The following TENM2 variants were observed in gnomAD, a reference collection of about 807,000 sequenced individuals.
The protein encoded by TENM2 is teneurin transmembrane protein 2, also known as teneurin-2.
TENM2 carries 52 observed loss-of-function variants against 245.2 expected under a neutral mutation model. That is an observed-to-expected ratio of 0.21 (90% CI 0.17 to 0.27). The LOEUF (loss-of-function observed/expected upper bound fraction) is 0.27, where lower values mean the gene tolerates loss of function less well. TENM2 is among the 10% of genes least tolerant of loss of function. The pLI, the probability that TENM2 is intolerant of heterozygous loss-of-function variation, is 1.00. For synonymous variants in TENM2, 1,363 were observed against 1,438.9 expected (o/e 0.95, Z 1.19); for missense variants, 3,046 against 3,666.8 (o/e 0.83, Z 4.37).
At chr5:167,306,494 A>G (rs1755685606) in intron 1 of TENM2, 1 of 152,128 alleles carries the variant, frequency 6.6e-6, no homozygotes, top group Non-Finnish European at 1.5e-5. Flanking sequence ...AATCTTAAAA[A>G]AAAAAACAAC....
the TENM2 span, among the ~76,000 whole-genome samples, chr5:167,226,104 C>T: frequency 6.6e-6 from 1 of 151,828 alleles, no homozygotes; most frequent in Non-Finnish European, 1.5e-5. Flanking sequence ...TTTCAAAAAA[C>T]TTTTCACTTT....
chr5:167,143,705 A>G, the TENM2 span, among the ~76,000 whole-genome samples: 11 of 152,268 alleles, frequency 7.2e-5, no homozygotes, highest in Middle Eastern at 3.4e-3. Context: ...AGATGATGGG[A>G]GCTTTACATC....
intron 1 of TENM2, among the ~76,000 whole-genome samples, chr5:167,337,117 C>A (rs1388895125): frequency 9.3e-6 from 1 of 107,496 alleles, no homozygotes; most frequent in Non-Finnish European, 1.8e-5. Context: ...GAGGGAGACT[C>A]CGTCTCAAAA....
the TENM2 span, among the ~76,000 whole-genome samples, chr5:167,213,399 G>A: frequency 6.6e-6 from 1 of 152,156 alleles, no homozygotes; most frequent in East Asian, 1.9e-4. Context: ...CCAGGCAGAA[G>A]GGGTAAGGGA....
chr5:167,373,753 G>A (rs766592751), intron 1 of TENM2, among the ~76,000 whole-genome samples: 5 of 152,164 alleles, frequency 3.3e-5, no homozygotes, highest in Non-Finnish European at 7.3e-5. Context: ...TCTGCTGTGT[G>A]CCCAGGTGTG....
intron 2 of TENM2, among the ~76,000 whole-genome samples, chr5:167,683,809 G>A (rs1383590176): frequency 6.6e-6 from 1 of 152,142 alleles, no homozygotes; most frequent in East Asian, 1.9e-4. Context: ...TCTATGAATG[G>A]CCTGCCAGCT....
chr5:167,377,137 A>C (rs755648250), intron 2 of TENM2, among the ~76,000 whole-genome samples: 1 of 152,170 alleles, frequency 6.6e-6, no homozygotes, highest in Non-Finnish European at 1.5e-5. Flanking sequence ...AATGCTTGCC[A>C]TGAATTTACC....
At position 167,669,449 on chromosome 5, in the gene TENM2, C is replaced by T. The variant is rs145999244; in HGVS notation, c.503-206537C>T. ...AACTCATCAGACTGATGGTTCTATC[C>T]GTTGAAGACAGTTAAGATGGAGGAA... is the stretch of plus-strand genomic sequence containing the variant. On this transcript the variant is annotated intron_variant, in intron 2 of 28. Transcript: ENST00000518659. 4.3e-3 allele frequency among the ~76,000 whole-genome samples: 661 copies of T among 152,126 alleles called. 8 individuals carry two copies. Among genetic ancestry groups the T allele is most frequent in the African/African-American group, 0.015 (618 of 41,490 alleles).
chr5:167,386,895 T>C (rs930100799), intron 2 of TENM2, among the ~76,000 whole-genome samples: 3 of 152,218 alleles, frequency 2.0e-5, no homozygotes, highest in African/African-American at 7.2e-5. Context: ...AGTACTGTGT[T>C]GTTTTAGTGA....
At chr5:167,876,709 G>T (rs974144708) in intron 3 of TENM2, among the ~76,000 whole-genome samples, 1 of 152,178 alleles carries the variant, frequency 6.6e-6, no homozygotes, top group Non-Finnish European at 1.5e-5. Flanking sequence ...AGTACTGAAT[G>T]TCTTGCCAAG....
chr5:167,073,871 G>A, the TENM2 span, among the ~76,000 whole-genome samples: 1 of 152,044 alleles, frequency 6.6e-6, no homozygotes, highest in Admixed American at 6.6e-5. Flanking sequence ...TCATGTTCCC[G>A]GTTAAATTGT....
intron 5 of TENM2, among the ~76,000 whole-genome samples, chr5:167,999,480 G>A (rs537250339): frequency 5.3e-4 from 80 of 152,312 alleles, no homozygotes; most frequent in African/African-American, 1.5e-3. Flanking sequence ...CTGCCATTTC[G>A]TAACTGAACA....
intron 5 of TENM2, among the ~76,000 whole-genome samples, chr5:167,996,557 C>T (rs535037619): frequency 6.6e-6 from 1 of 152,260 alleles, no homozygotes; most frequent in African/African-American, 2.4e-5. Context: ...ACCTGCACCA[C>T]CAGAAGTCCC....
chr5:167,123,224 C>T, the TENM2 span, among the ~76,000 whole-genome samples: 1 of 151,810 alleles, frequency 6.6e-6, no homozygotes, highest in Admixed American at 6.6e-5. Context: ...GCATGAGAAG[C>T]GCTTGAACCC....
chr5:167,860,509 C>T (rs1771684021), intron 2 of TENM2, among the ~76,000 whole-genome samples: 1 of 127,470 alleles, frequency 7.8e-6, no homozygotes, highest in African/African-American at 3.4e-5. Context: ...GTGAGGAGCC[C>T]CTCTGCCCGG....
At chr5:168,047,317 G>A (rs916685424) in intron 5 of TENM2, 110 bp from the exon 8 acceptor site, 18 of 1,296,298 alleles carry the variant, frequency 1.4e-5, no homozygotes, top group Admixed American at 8.2e-5. Flanking sequence ...CATTTTTGAC[G>A]CAGCTTCCTC....
the TENM2 span, chr5:167,119,369 T>C: frequency 5.3e-5 from 8 of 152,194 alleles, no homozygotes; most frequent in African/African-American, 1.7e-4. Flanking sequence ...ATAGGTCACA[T>C]TTTAAAAATT....
At chr5:167,518,320 C>A (rs1770532187) in intron 2 of TENM2, among the ~76,000 whole-genome samples, 1 of 152,132 alleles carries the variant, frequency 6.6e-6, no homozygotes, top group African/African-American at 2.4e-5. Context: ...TCTATTTCAT[C>A]CCCAAATCAA....
At chr5:167,220,403 A>T in the TENM2 span, among the ~76,000 whole-genome samples, 1 of 152,244 alleles carries the variant, frequency 6.6e-6, no homozygotes, top group Non-Finnish European at 1.5e-5. Context: ...TCCACAATAC[A>T]GTAGACGATG....
Sources: allele counts gnomAD v4.1 joint callset (sites outside exome capture counted in the v4.1 genomes callset), GRCh38; gene constraint gnomAD v4.1.1; transcripts MANE v1.5; gene names NCBI Gene and HGNC (gene_info 2026-07-23, HGNC 2026-07-21).